The following CPT1C variants were observed in gnomAD, a reference collection of about 807,000 sequenced individuals.
The protein encoded by CPT1C is palmitoyl thioesterase CPT1C.
Under a neutral mutation model 97.3 loss-of-function variants are expected in CPT1C, and 61 were observed. That is an observed-to-expected ratio of 0.63 (90% CI 0.51 to 0.78). The LOEUF (loss-of-function observed/expected upper bound fraction) is 0.78. Among genes scored for constraint, CPT1C ranks in the 30% least tolerant of loss-of-function variants. The pLI, the probability that CPT1C is intolerant of heterozygous loss-of-function variation, is 0.00. For synonymous variants in CPT1C, 469 were observed against 447.2 expected (o/e 1.05, Z -0.61); for missense variants, 975 against 1,065.5 (o/e 0.92, Z 1.18).
chr19:49,705,393 T>G, intron 10 of CPT1C, 95 bp downstream of exon 10: 1 of 1,044,724 alleles, frequency 9.6e-7, no homozygotes, highest in Non-Finnish European at 1.4e-6. Flanking sequence ...TGGGAACCAT[T>G]GCTTCCTTGC....
At chr19:49,705,354 C>G (rs2083441803) in intron 10 of CPT1C, 56 bp downstream of exon 10, 1 of 1,435,586 alleles carries the variant, frequency 7.0e-7, no homozygotes, top group Admixed American at 2.1e-5. Context: ...TGGCTAAGAG[C>G]ATGTTTTCTG....
At chr19:49,699,394 G>A (rs2082860403) in intron 4 of CPT1C, among the ~76,000 whole-genome samples, 2 of 140,994 alleles carry the variant, frequency 1.4e-5, no homozygotes, top group Non-Finnish European at 3.1e-5. Context: ...TCGGAGGGCT[G>A]AGGCAGGAGG....
At position 49,708,721 on chromosome 19, in the gene CPT1C, A is replaced by T. The variant is rs1397295207; in HGVS notation, c.1450-2A>T. The T allele has an allele frequency of 2.5e-6, 4 of 1,611,302 alleles. 1 individual carries two copies. The South Asian group carries it at 4.4e-5, about 18-fold the overall frequency. On this transcript the variant is annotated splice_acceptor_variant, in intron 13 of 19. Transcript: ENST00000598293. LOFTEE classifies it high-confidence loss of function. ...ACTCTAACAGCCTCTGTTTGCCCAC[A>T]GTTCACTCTGGCTACAGAATGCTTT...
Position 49,706,621 on chromosome 19 carries a change from G to A in CPT1C, c.1343+208G>A, listed in dbSNP as rs549330482. On this transcript the variant is annotated intron_variant, in intron 12 of 19. Transcript: ENST00000598293. This position sits in a 1 kb window ranked among gnomAD's most constrained non-coding sequence, Gnocchi z 4.8. ...GGGAACCCCTCAACCTGGGACCCAAGACCTATAAACCAGACCCAGTGACCC... is the reference window on the plus strand; with the variant it reads ...GGGAACCCCTCAACCTGGGACCCAAAACCTATAAACCAGACCCAGTGACCC... Among the ~76,000 whole-genome samples, 5 of 151,998 alleles carry A rather than the reference G, an allele frequency of 3.3e-5. No individual in the cohort carries two copies. The highest frequency in any genetic ancestry group is 1.2e-4 in the African/African-American group (5 of 41,366).
At chr19:49,692,493 G>T in intron 3 of CPT1C, 100 bp downstream of exon 3, 1 of 1,432,112 alleles carries the variant, frequency 7.0e-7, no homozygotes, top group Admixed American at 2.1e-5. Flanking sequence ...TCATTTCTGG[G>T]AGACTATCAC....
In CPT1C at chr19:49,704,886, G is replaced by T. The variant is rs1334471739; in HGVS notation, c.771+99G>T. 5.7e-6 allele frequency: 8 copies of T among 1,414,522 alleles called. No individual in the cohort carries two copies. The South Asian group carries it at 9.3e-5, about 16-fold the overall frequency. The allele number at this position is 1,414,522 out of a possible 1,614,324, so 87.6% of individuals were successfully genotyped here. ...CATGCTCAGTGACCTGGATCTAGAC[G>T]CGCCATCTGGGATTCATCATTCCAC... On this transcript the variant is annotated intron_variant, in intron 8 of 19. Coordinates refer to ENST00000598293, the MANE Select transcript of CPT1C (RefSeq NM_001199753.2).
chr19:49,705,796 A>G, intron 10 of CPT1C, 113 bp from the exon 11 acceptor site: 1 of 962,450 alleles, frequency 1.0e-6, no homozygotes. Flanking sequence ...GGTGCTGATG[A>G]TTACTAGGGT....
Position 49,708,002 on chromosome 19 carries a change from CAAAAAAAAAAAA to C in CPT1C, c.1449+393_1449+404del, listed in dbSNP as rs60276067. Among the ~76,000 whole-genome samples, 333 of 56,788 alleles carry C rather than the reference CAAAAAAAAAAAA, an allele frequency of 5.9e-3. 1 individual carries two copies. The highest frequency in any genetic ancestry group is 0.014 in the Middle Eastern group (1 of 72). The allele number at this position is 56,788 out of a possible 152,430, so 37.3% of individuals were successfully genotyped here. A position where few individuals can be genotyped will look rare whatever the true frequency, so the allele number is the denominator to read the frequency against. ...TGGGCGACAGAGCAAGAATACATCT[CAAAAAAAAAAAA>C]AAAAAAAAAAAAAGAAAAGAAAAAC... On this transcript the variant is annotated intron_variant, in intron 13 of 19. Coordinates refer to ENST00000598293, the MANE Select transcript of CPT1C (RefSeq NM_001199753.2).
At chr19:49,700,994 TGTCCTCCTCTGTCCCTGGGTCTCTG>T in intron 5 of CPT1C, 139 bp downstream of exon 5, 1 of 860,634 alleles carries the variant, frequency 1.2e-6, no homozygotes, top group African/African-American at 1.7e-5. Flanking sequence ...TCTGGGTCTC[TGTCCTCCTCTGTCCCTGGGTCTCTG>T]TCCCCCTCTC....
At chr19:49,704,170 C>T (rs2083368909) in intron 7 of CPT1C, among the ~76,000 whole-genome samples, 2 of 152,060 alleles carry the variant, frequency 1.3e-5, no homozygotes, top group African/African-American at 2.4e-5. Context: ...CATTTATGTT[C>T]TGTTTTTCTT....
At chr19:49,699,111 GA>G (rs954653625) in intron 4 of CPT1C, among the ~76,000 whole-genome samples, 11 of 150,470 alleles carry the variant, frequency 7.3e-5, no homozygotes, top group African/African-American at 2.7e-4. Flanking sequence ...TCAATTAAAA[GA>G]AAAAAAAATC....
chr19:49,713,585 A>T lies in CPT1C; in HGVS notation c.2392A>T (p.Met798Leu). Reference sequence around the variant, plus strand: ...CCAGACTGGGGCCTCCAAGGCCTCAATGACATCCACCGACTTCTGACTCCT... The same window carrying T: ...CCAGACTGGGGCCTCCAAGGCCTCATTGACATCCACCGACTTCTGACTCCT... ...SRQTGASKASMTSTDF is the reference protein window; with the variant it reads ...SRQTGASKASLTSTDF The change falls in exon 20 of 20, where the codon ATG becomes TTG. Residue 798 changes from methionine (M) to leucine (L), a missense_variant. Physicochemically the swap from Met to Leu is conservative, Grantham distance 15 (BLOSUM62 2). Coordinates refer to ENST00000598293, the MANE Select transcript of CPT1C (RefSeq NM_001199753.2). The T allele has an allele frequency of 6.2e-7, 1 of 1,612,118 alleles. No homozygotes were observed. Among genetic ancestry groups the T allele is most frequent in the South Asian group, 1.1e-5 (1 of 90,874 alleles).
At chr19:49,708,403 A>T (rs2083641775) in intron 13 of CPT1C, among the ~76,000 whole-genome samples, 1 of 152,144 alleles carries the variant, frequency 6.6e-6, no homozygotes, top group South Asian at 2.1e-4. Flanking sequence ...TCCGGAGGCT[A>T]AGGCAGGAGG....
chr19:49,704,867 C>T (rs916414047), intron 8 of CPT1C, 80 bp downstream of exon 8: 11 of 1,448,812 alleles, frequency 7.6e-6, no homozygotes, highest in Non-Finnish European at 8.7e-6. Context: ...CGGTCATGCT[C>T]AGTGACCTGG....
intron 7 of CPT1C, among the ~76,000 whole-genome samples, chr19:49,703,070 TAC>T (rs72113209): frequency 0.52 from 75,337 of 143,922 alleles, 20,752 homozygotes; most frequent in East Asian, 0.66. Flanking sequence ...AGATTCTGTT[TAC>T]ACACACACAC....
chr19:49,706,405 C>T lies in CPT1C; in HGVS notation c.1335C>T (p.Gly445=). 1.3e-6 allele frequency: 2 copies of T among 1,484,826 alleles called. No individual in the cohort carries two copies. The highest frequency in any genetic ancestry group is 1.4e-5 in the South Asian group (1 of 73,668). The allele number at this position is 1,484,826 out of a possible 1,614,324, so 92.0% of individuals were successfully genotyped here. Residue 445 remains glycine, a synonymous_variant, in exon 12 of 20, where the codon GGC becomes GGT. Coordinates refer to ENST00000598293, the MANE Select transcript of CPT1C (RefSeq NM_001199753.2). The surrounding 1 kb of genome is among the most constrained non-coding windows in gnomAD (Gnocchi z 4.8). ...CCCATGCTCTGCTGGCCGGCCGGGGCCATGATCGGTGAGTGAGTCTTGGGA... is the reference window on the plus strand; with the variant it reads ...CCCATGCTCTGCTGGCCGGCCGGGGTCATGATCGGTGAGTGAGTCTTGGGA... ...AYAHALLAGR[G]HDRWFDKSFT...
intron 16 of CPT1C, 43 bp from the exon 17 acceptor site, chr19:49,711,765 AC>A: frequency 6.4e-7 from 1 of 1,569,482 alleles, no homozygotes; most frequent in Non-Finnish European, 8.6e-7. Flanking sequence ...CCCTAAGTCG[AC>A]TTCCTGTCTT....
In CPT1C at chr19:49,713,031, C is replaced by T; in HGVS notation, c.2193C>T (p.Phe731=). 6.2e-7 allele frequency: 1 copy of T among 1,614,092 alleles called. No individual in the cohort carries two copies. The change falls in exon 19 of 20, where the codon TTC becomes TTT. Residue 731 remains phenylalanine, a synonymous_variant. Transcript: ENST00000598293. ...YIFMGDGMIT[F]HISSKKSSTK... is the part of the protein sequence containing the mutation. The stretch of plus-strand genomic sequence containing the variant: ...TCATGGGGGATGGCATGATCACCTT[C>T]CACATCTCCAGCAAAAAATCAAGCA...
At chr19:49,693,188 C>G in intron 3 of CPT1C, among the ~76,000 whole-genome samples, 1 of 152,154 alleles carries the variant, frequency 6.6e-6, no homozygotes, top group East Asian at 1.9e-4. Context: ...CAAACTCCTG[C>G]TCTGTCCCTG....
Sources: allele counts gnomAD v4.1 joint callset (sites outside exome capture counted in the v4.1 genomes callset), GRCh38; gene constraint gnomAD v4.1.1; non-coding constraint Gnocchi (gnomAD v3.1); transcripts MANE v1.5; gene names NCBI Gene and HGNC (gene_info 2026-07-23, HGNC 2026-07-21).